USP36: variants seen among roughly 807,000 people sequenced by gnomAD.
The protein encoded by USP36 is ubiquitin specific peptidase 36.
Under a neutral mutation model 111.5 loss-of-function variants are expected in USP36, and 59 were observed. The observed-to-expected ratio is 0.53, with a 90% CI of 0.43 to 0.66. The LOEUF (loss-of-function observed/expected upper bound fraction) is 0.66. Ranked by LOEUF, USP36 falls within the 30% of genes least tolerant of loss-of-function variation. The pLI, the probability that USP36 is intolerant of heterozygous loss-of-function variation, is 0.00. For synonymous variants in USP36, 628 were observed against 581.0 expected (o/e 1.08, Z -1.16); for missense variants, 1,488 against 1,468.0 (o/e 1.01, Z -0.22).
chr17:78,800,927 AGG>A (rs1241038646), intron 17 of USP36, among the ~76,000 whole-genome samples: 1 of 148,986 alleles, frequency 6.7e-6, no homozygotes, highest in Non-Finnish European at 1.5e-5. Context: ...CTTCGCTCCG[AGG>A]GTGGCACGGA....
chr17:78,809,050 G>A (rs1158923677), intron 13 of USP36, among the ~76,000 whole-genome samples: 2 of 152,112 alleles, frequency 1.3e-5, no homozygotes, highest in Non-Finnish European at 2.9e-5. Flanking sequence ...TTTGACACTC[G>A]TTTGGGCTAT....
At chr17:78,788,995 C>A (rs1447971650) in intron 3 of USP36, among the ~76,000 whole-genome samples, 7 of 151,472 alleles carry the variant, frequency 4.6e-5, no homozygotes, top group Admixed American at 3.3e-4. Context: ...GTCAGGAGTT[C>A]GAGACCAGCC....
intron 17 of USP36, 133 bp from the exon 18 acceptor site, chr17:78,799,901 TTTTTA>T: frequency 1.6e-5 from 10 of 608,076 alleles, no homozygotes; most frequent in East Asian, 7.4e-5. Flanking sequence ...TTTTTTTTTT[TTTTTA>T]AAGACAGGGT....
intron 4 of USP36, among the ~76,000 whole-genome samples, chr17:78,835,078 G>A (rs1233126549): frequency 2.6e-5 from 4 of 151,580 alleles, no homozygotes; most frequent in Admixed American, 6.6e-5. Context: ...AAAGCTTGGC[G>A]AACACAGCCC....
At chr17:78,799,554 C>T (rs894626184) in intron 18 of USP36, 113 bp downstream of exon 18, 17 of 931,402 alleles carry the variant, frequency 1.8e-5, no homozygotes, top group African/African-American at 1.5e-4. Flanking sequence ...TTCTCAAAGC[C>T]GAGCGATGCC....
Position 78,814,448 on chromosome 17 carries a change from G to A in USP36, c.1128C>T (p.Tyr376=). 2 of 1,614,188 alleles carry A rather than the reference G, an allele frequency of 1.2e-6. No individual in the cohort carries two copies. Among genetic ancestry groups the A allele is most frequent in the South Asian group, 1.1e-5 (1 of 91,090 alleles). ...AGTAATAGTGCCCGGCATGGCAGCT[G>A]TAGCCCGAGTGCACCAGGACAGCAT... The part of the protein sequence containing the change: ...GLYAVLVHSG[Y]SCHAGHYYCY... Residue 376 remains tyrosine, a synonymous_variant, in exon 11 of 21, where the codon TAC becomes TAT. Transcript: ENST00000449938.
At chr17:78,813,078 G>A (rs957324769) in intron 12 of USP36, 77 bp from the exon 13 acceptor site, 3 of 1,577,852 alleles carry the variant, frequency 1.9e-6, no homozygotes, top group African/African-American at 1.4e-5. Context: ...ATAAGTTAAG[G>A]CGGGGCAAAG....
In USP36 at chr17:78,802,413, G is replaced by T. The variant is rs770718156; in HGVS notation, c.2933C>A (p.Pro978Gln). Residue 978 changes from proline (P) to glutamine (Q), a missense_variant, in exon 17 of 21, where the codon CCA (proline) becomes CAA (glutamine). Around this residue, in one of 3 missense-constraint regions of USP36, gnomAD observed 1,073 missense variants for 994.1 expected, o/e 1.08. Coordinates refer to ENST00000449938, the MANE Select transcript of USP36 (RefSeq NM_001385174.1). Reference protein sequence around the residue: ...AVEEDGHLKCPRSAKPQDAVV... With the variant: ...AVEEDGHLKCQRSAKPQDAVV... The stretch of plus-strand genomic sequence containing the variant: ...AGCATCTTGGGGCTTGGCACTCCTT[G>T]GGCATTTGAGATGCCCATCCTCTTC... The T allele has an allele frequency of 6.2e-7, 1 of 1,612,174 alleles. No homozygotes were observed. The highest frequency in any genetic ancestry group is 1.3e-5 in the African/African-American group (1 of 74,906).
chr17:78,827,141 TG>T, intron 6 of USP36, 103 bp downstream of exon 6: 1 of 1,307,662 alleles, frequency 7.6e-7, no homozygotes, highest in Non-Finnish European at 1.1e-6. Context: ...AAGGGCAGCC[TG>T]GGTAGAAAGG....
chr17:78,828,646 C>T (rs1277754325), intron 5 of USP36, among the ~76,000 whole-genome samples: 1 of 152,198 alleles, frequency 6.6e-6, no homozygotes, highest in Non-Finnish European at 1.5e-5. Flanking sequence ...ATCCATGACT[C>T]ACTCTTCTCT....
rs1484906547 is a variant in USP36, at chr17:78,798,446, C to G, written c.3346G>C (p.Ala1116Pro). 2 of 1,614,170 alleles carry G rather than the reference C, an allele frequency of 1.2e-6. No homozygotes were observed. Among genetic ancestry groups the G allele is most frequent in the Non-Finnish European group, 1.7e-6 (2 of 1,180,044 alleles). ...NFWSVTHPAK[A>P]ASLSYRR ...CAGCGGCGATAGCTGAGGCTGGCAGCCTTTGCTGGGTGAGTCACAGACCAG... is the reference window on the plus strand; with the variant it reads ...CAGCGGCGATAGCTGAGGCTGGCAGGCTTTGCTGGGTGAGTCACAGACCAG... The change falls in exon 20 of 21, where the codon GCT becomes CCT. Residue 1116 changes from alanine (A) to proline (P), a missense_variant. By Grantham distance (27) the Ala-to-Pro change is conservative. Coordinates refer to ENST00000449938, the MANE Select transcript of USP36 (RefSeq NM_001385174.1). The surrounding 1 kb of genome is among the most constrained non-coding windows in gnomAD (Gnocchi z 5.1).
chr17:78,790,569 G>C (rs1257355532), intron 3 of USP36, among the ~76,000 whole-genome samples: 1 of 152,104 alleles, frequency 6.6e-6, no homozygotes, highest in East Asian at 1.9e-4. Flanking sequence ...GGGACTACAG[G>C]TACAAGCCAC....
rs780083507 is a variant in USP36 at position 78,814,565 on chromosome 17, T to C, written c.1024-13A>G. ...GATAGCCTACATCCTGTTTGAAAAATCAAGGAAAAGACAAATAAAATTCAC... is the reference window on the plus strand; with the variant it reads ...GATAGCCTACATCCTGTTTGAAAAACCAAGGAAAAGACAAATAAAATTCAC... On this transcript the variant is annotated splice_polypyrimidine_tract_variant and intron_variant, in intron 10 of 20. Transcript: ENST00000449938. The C allele has an allele frequency of 6.2e-7, 1 of 1,608,548 alleles. No individual in the cohort carries two copies. Among genetic ancestry groups the C allele is most frequent in the Non-Finnish European group, 8.5e-7 (1 of 1,177,288 alleles).
chr17:78,822,216 C>T (rs1311795549), intron 6 of USP36, among the ~76,000 whole-genome samples: 1 of 152,168 alleles, frequency 6.6e-6, no homozygotes, highest in Non-Finnish European at 1.5e-5. Flanking sequence ...CCTCAGGGCC[C>T]CACTACCCAC....
In USP36 at chr17:78,822,600, G is replaced by A. The variant is rs146702187; in HGVS notation, c.690-596C>T. Among the ~76,000 whole-genome samples, 262 of 152,306 alleles carry A rather than the reference G, an allele frequency of 1.7e-3. 1 individual carries two copies. Among genetic ancestry groups the A allele is most frequent in the African/African-American group, 6.1e-3 (253 of 41,566 alleles). ...TGCCCTCATTCATGTCCCCCGCACC[G>A]CTCACTAACTGGGATCTGAGGCACT... On this transcript the variant is annotated intron_variant, in intron 6 of 20. Transcript: ENST00000449938.
At chr17:78,829,826 C>T (rs1231194106) in intron 4 of USP36, among the ~76,000 whole-genome samples, 2 of 152,154 alleles carry the variant, frequency 1.3e-5, no homozygotes, top group African/African-American at 2.4e-5. Flanking sequence ...CTGCAACCTC[C>T]GCCTGCCGGG....
intron 2 of USP36, among the ~76,000 whole-genome samples, chr17:78,836,771 C>A (rs2068714586): frequency 6.6e-6 from 1 of 151,484 alleles, no homozygotes; most frequent in African/African-American, 2.4e-5. Flanking sequence ...CACTAATTCT[C>A]ACATACAAAC....
intron 1 of USP36, among the ~76,000 whole-genome samples, chr17:78,839,919 A>G (rs1456927824): frequency 6.6e-6 from 1 of 152,158 alleles, no homozygotes; most frequent in Non-Finnish European, 1.5e-5. Flanking sequence ...AGCCAGCACC[A>G]TTTAGGCTCA....
chr17:78,819,736 T>C (rs1460063946), intron 9 of USP36, among the ~76,000 whole-genome samples, 194 bp downstream of exon 9: 3 of 152,250 alleles, frequency 2.0e-5, no homozygotes, highest in Non-Finnish European at 4.4e-5. Flanking sequence ...GTGTAAACTG[T>C]AGCTATAAAA....
Sources: gnomAD v4.1 joint callset for allele counts (sites outside exome capture counted in the v4.1 genomes callset) on GRCh38, gnomAD v4.1.1 for gene constraint, gnomAD v4.1.1 regional missense constraint, Gnocchi (gnomAD v3.1) non-coding constraint, MANE v1.5 for transcripts, NCBI Gene and HGNC (gene_info 2026-07-23, HGNC 2026-07-21) for gene names.